TG: variants seen among roughly 807,000 people sequenced by gnomAD.
The protein encoded by TG is thyroglobulin, also known as thyroid hormones.
Under a neutral mutation model 324.7 loss-of-function variants are expected in TG, and 270 were observed. The ratio of observed to expected loss-of-function variants is 0.83; its 90% CI spans 0.75 to 0.92. The LOEUF (loss-of-function observed/expected upper bound fraction) is 0.92, where lower values mean the gene tolerates loss of function less well. Ranked by LOEUF, TG falls within the 40% of genes least tolerant of loss-of-function variation. The probability of loss-of-function intolerance (pLI) is 0.00; values close to 1 mark genes in which losing one functional copy is unlikely to be tolerated. For synonymous variants in TG, 1,401 were observed against 1,327.0 expected, an observed-to-expected ratio of 1.06 and a Z score of -1.21; for missense variants, 3,591 against 3,456.4, an observed-to-expected ratio of 1.04 and a Z score of -0.98.
intron 10 of TG, among the ~76,000 whole-genome samples, chr8:132,892,313 G>A (rs997204390): frequency 9.9e-5 from 15 of 152,210 alleles, no homozygotes; most frequent in African/African-American, 3.6e-4. Context: ...TTCCCAGAGT[G>A]AGACTGTCTA....
chr8:132,982,601 A>G (rs986703705), intron 34 of TG, among the ~76,000 whole-genome samples: 5 of 152,202 alleles, frequency 3.3e-5, no homozygotes, highest in African/African-American at 4.8e-5. Flanking sequence ...TCTGCCTTCA[A>G]AGTCCAGGCT....
chr8:132,963,685 G>A (rs879909759), intron 29 of TG, among the ~76,000 whole-genome samples: 7 of 76,394 alleles, frequency 9.2e-5, no homozygotes, highest in African/African-American at 1.4e-4. Flanking sequence ...GTGTGTGTGT[G>A]TGTGTGTGTG....
chr8:132,972,275 T>A (rs1829630756), intron 33 of TG: 1 of 472,066 alleles, frequency 2.1e-6, no homozygotes, highest in Non-Finnish European at 3.9e-6. Context: ...TTCCTCCTCA[T>A]CTGTATATAG....
At chr8:133,124,394 T>C (rs1005010581) in intron 45 of TG, among the ~76,000 whole-genome samples, 1 of 152,242 alleles carries the variant, frequency 6.6e-6, no homozygotes, top group Admixed American at 6.5e-5. Flanking sequence ...ATTAAACATC[T>C]ACTCACGCCC....
At chr8:133,013,341 G>A (rs1834690972) in intron 36 of TG, among the ~76,000 whole-genome samples, 1 of 152,140 alleles carries the variant, frequency 6.6e-6, no homozygotes, top group African/African-American at 2.4e-5. Flanking sequence ...GTGGATGAGT[G>A]GTTGGGTGGA....
At position 133,061,647 on chromosome 8, in the gene TG, G is replaced by A. The variant is rs560298846; in HGVS notation, c.7239+31624G>A. Among the ~76,000 whole-genome samples the A allele has an allele frequency of 1.4e-4, 22 of 152,266 alleles. No individual in the cohort carries two copies. The South Asian group carries it at 4.4e-3, about 30-fold the overall frequency. ...GGGTCAAAGAGAAGAGACGGAACAG[G>A]GTCCCCCCATCGGCCTCCAGCCCAA... On this transcript the variant is annotated intron_variant, in intron 41 of 47. Coordinates refer to ENST00000220616, the MANE Select transcript of TG (RefSeq NM_003235.5).
chr8:132,870,076 A>G (rs1184349239), intron 3 of TG, among the ~76,000 whole-genome samples: 1 of 152,184 alleles, frequency 6.6e-6, no homozygotes, highest in East Asian at 1.9e-4. Context: ...CTGAGAAGAC[A>G]ATGGTGAACA....
intron 29 of TG, among the ~76,000 whole-genome samples, chr8:132,964,300 C>T (rs1005018783): frequency 3.3e-5 from 5 of 152,250 alleles, no homozygotes; most frequent in African/African-American, 9.6e-5. Flanking sequence ...GGAGCTTGGC[C>T]CCCACTGGAG....
chr8:132,878,364 C>T (rs1234091879), intron 5 of TG, among the ~76,000 whole-genome samples: 2 of 152,050 alleles, frequency 1.3e-5, no homozygotes, highest in African/African-American at 4.8e-5. Flanking sequence ...CACCTGTAAT[C>T]CCAGCACTTT....
At chr8:133,050,004 C>A (rs777022466) in intron 41 of TG, 1 of 1,554,278 alleles carries the variant, frequency 6.4e-7, no homozygotes, top group South Asian at 1.1e-5. Flanking sequence ...AGAACAAGAA[C>A]AGAGAAGAAC....
chr8:132,919,850 A>G (rs1031236701), intron 21 of TG, among the ~76,000 whole-genome samples: 5 of 152,186 alleles, frequency 3.3e-5, no homozygotes, highest in African/African-American at 1.2e-4. Context: ...TTGAATACTT[A>G]CCTACTGCTA....
chr8:133,073,938 T>C (rs1178404927), intron 41 of TG, among the ~76,000 whole-genome samples: 1 of 152,084 alleles, frequency 6.6e-6, no homozygotes, highest in Non-Finnish European at 1.5e-5. Context: ...AAAAATAACT[T>C]TTTATGCATT....
At position 133,133,634 on chromosome 8, in the gene TG, A is replaced by T; in HGVS notation, c.8162A>T (p.Tyr2721Phe). Residue 2721 changes from tyrosine to phenylalanine, a missense_variant, in exon 47 of 48, where the codon TAC becomes TTC. By Grantham distance (22) the Tyr-to-Phe change is conservative (BLOSUM62 3). Transcript: ENST00000220616. ...GCCGACTGCTCCTTCTGGTCCAAGT[A>T]CATCTCGTCTCTGAAGACATCTGCA... The part of the protein sequence containing the change: ...KKADCSFWSK[Y>F]ISSLKTSADG... The T allele has an allele frequency of 6.2e-7, 1 of 1,614,168 alleles. No individual in the cohort carries two copies. The highest frequency in any genetic ancestry group is 1.1e-5 in the South Asian group (1 of 91,078).
intron 26 of TG, 143 bp from the exon 27 acceptor site, chr8:132,948,633 C>G (rs1365694423): frequency 1.0e-6 from 1 of 965,300 alleles, no homozygotes; most frequent in Non-Finnish European, 1.6e-6. Flanking sequence ...AATTTAAAAC[C>G]AGGCTCTTGA....
intron 34 of TG, 50 bp from the exon 35 acceptor site, chr8:132,983,300 T>C: frequency 6.3e-7 from 1 of 1,587,448 alleles, no homozygotes; most frequent in Non-Finnish European, 8.7e-7. Flanking sequence ...CTGAACTCGA[T>C]GATACCATGG....
At chr8:133,090,930 A>G (rs1564177729) in intron 41 of TG, among the ~76,000 whole-genome samples, 1 of 152,160 alleles carries the variant, frequency 6.6e-6, no homozygotes, top group Non-Finnish European at 1.5e-5. Context: ...CACACTGGTT[A>G]GAACATGGAG....
intron 45 of TG, among the ~76,000 whole-genome samples, chr8:133,125,442 G>C (rs543460172): frequency 3.9e-5 from 6 of 152,338 alleles, no homozygotes; most frequent in African/African-American, 1.4e-4. Context: ...ATCATCAAAG[G>C]CCAAGGCCCT....
intron 41 of TG, among the ~76,000 whole-genome samples, chr8:133,054,492 C>A (rs1283162776): frequency 6.6e-6 from 1 of 152,174 alleles, no homozygotes; most frequent in Non-Finnish European, 1.5e-5. Flanking sequence ...TTGCCAAAAT[C>A]TGCCTCATAG....
At chr8:133,026,248 G>A (rs1262878251) in intron 40 of TG, among the ~76,000 whole-genome samples, 1 of 152,160 alleles carries the variant, frequency 6.6e-6, no homozygotes, top group Non-Finnish European at 1.5e-5. Context: ...GAGTGAAAAC[G>A]GTCCCTGAGA....
Sources: gnomAD v4.1 joint callset for allele counts (sites outside exome capture counted in the v4.1 genomes callset) on GRCh38, gnomAD v4.1.1 for gene constraint, MANE v1.5 for transcripts, NCBI Gene and HGNC (gene_info 2026-07-23, HGNC 2026-07-21) for gene names.